CSGALNACT2: variants seen among roughly 807,000 people sequenced by gnomAD.
CSGALNACT2 encodes beta 4 GalNAcT-2.
CSGALNACT2 carries 35 observed loss-of-function variants against 55.3 expected under a neutral mutation model. The ratio of observed to expected loss-of-function variants is 0.63; its 90% CI spans 0.48 to 0.84. The LOEUF (loss-of-function observed/expected upper bound fraction) is 0.84. Ranked by LOEUF, CSGALNACT2 falls within the 40% of genes least tolerant of loss-of-function variation. The probability of loss-of-function intolerance (pLI) is 0.00; values close to 1 mark genes in which losing one functional copy is unlikely to be tolerated. For missense variants in CSGALNACT2, 544 were observed against 657.5 expected, an observed-to-expected ratio of 0.83 and a Z score of 1.89; for synonymous variants, 196 against 224.9, an observed-to-expected ratio of 0.87 and a Z score of 1.15.
At chr10:43,148,046 A>G (rs1838799486) in intron 1 of CSGALNACT2, among the ~76,000 whole-genome samples, 1 of 151,960 alleles carries the variant, frequency 6.6e-6, no homozygotes, top group Admixed American at 6.6e-5. Flanking sequence ...CAGATATTTG[A>G]CCCATTTTGA....
chr10:43,181,382 A>T (rs1438396250), intron 7 of CSGALNACT2, among the ~76,000 whole-genome samples: 4 of 152,110 alleles, frequency 2.6e-5, no homozygotes, highest in African/African-American at 9.7e-5. Context: ...TCAGCTTTTG[A>T]CTTGTTAGGA....
At chr10:43,165,794 A>G (rs1839252960) in intron 5 of CSGALNACT2, among the ~76,000 whole-genome samples, 1 of 152,196 alleles carries the variant, frequency 6.6e-6, no homozygotes, top group Non-Finnish European at 1.5e-5. Context: ...GTTCGATACC[A>G]GCCTGGCCAA....
chr10:43,154,927 A>G lies in CSGALNACT2; in HGVS notation c.-223A>G, dbSNP rs1838959975. 4 of 517,276 alleles carry G rather than the reference A, an allele frequency of 7.7e-6. No homozygotes were observed. Among genetic ancestry groups the G allele is most frequent in the African/African-American group, 3.8e-5 (2 of 52,320 alleles). The allele number at this position is 517,276 out of a possible 1,614,324, so 32.0% of individuals were successfully genotyped here. On this transcript the variant is annotated 5_prime_UTR_variant, in exon 2 of 8. It adds an upstream start codon to the 5' untranslated region. Coordinates refer to ENST00000374466, the MANE Select transcript of CSGALNACT2 (RefSeq NM_018590.5). ...TCACTACCAATATAATGGATTTTAT[A>G]TATCAGATTGCTTTATTCTGGATAT...
chr10:43,165,984 A>G (rs939686863), intron 5 of CSGALNACT2, among the ~76,000 whole-genome samples: 6 of 152,252 alleles, frequency 3.9e-5, no homozygotes, highest in African/African-American at 1.4e-4. Context: ...AATAAAAATA[A>G]AAATGTTTTA....
At position 43,155,128 on chromosome 10, in the gene CSGALNACT2, A is replaced by T; in HGVS notation, c.-22A>T. 1 of 1,571,244 alleles carries T rather than the reference A, an allele frequency of 6.4e-7. No homozygotes were observed. The highest frequency in any genetic ancestry group is 8.7e-7 in the Non-Finnish European group (1 of 1,151,468). ...GAACACACAAAGAGCTTATTTTGTT[A>T]GGCAAATACACATTAATAAGAATGC... On this transcript the variant is annotated 5_prime_UTR_variant, in exon 2 of 8. Transcript: ENST00000374466.
Position 43,184,706 on chromosome 10 carries a change from CAA to C in CSGALNACT2, c.*1166_*1167del, listed in dbSNP as rs996104908. 4.2e-4 allele frequency: 64 copies of C among 152,216 alleles called. No homozygotes were observed. The highest frequency in any genetic ancestry group is 3.4e-3 in the Middle Eastern group (1 of 294). The allele number at this position is 152,216 out of a possible 1,614,324, so 9.4% of individuals were successfully genotyped here. On this transcript the variant is annotated 3_prime_UTR_variant, in exon 8 of 8. Transcript: ENST00000374466. ...TTAATTGAGGTATAAATTAATGAGA[CAA>C]AGTGAAAAAGAAATTATATTCAGAT...
chr10:43,175,042 C>T (rs956872098), intron 6 of CSGALNACT2, among the ~76,000 whole-genome samples: 2 of 152,192 alleles, frequency 1.3e-5, no homozygotes, highest in Non-Finnish European at 2.9e-5. Context: ...GCTGGTTTCT[C>T]GCATGGTAGA....
intron 7 of CSGALNACT2, 67 bp from the exon 8 acceptor site, chr10:43,183,183 T>A: frequency 8.1e-7 from 1 of 1,238,252 alleles, no homozygotes; most frequent in Non-Finnish European, 1.2e-6. Context: ...ATTTAAAATT[T>A]TATATATATC....
intron 1 of CSGALNACT2, among the ~76,000 whole-genome samples, chr10:43,147,439 G>T (rs1838782338): frequency 6.6e-6 from 1 of 152,154 alleles, no homozygotes; most frequent in South Asian, 2.1e-4. Context: ...TCCATCACTT[G>T]TCTTCTCATT....
chr10:43,176,161 A>G lies in CSGALNACT2; in HGVS notation c.1336+129A>G, dbSNP rs555463146. 1.1e-4 allele frequency: 64 copies of G among 605,862 alleles called. No homozygotes were observed. The South Asian group carries it at 1.7e-3, about 16-fold the overall frequency. 37.5% of individuals were successfully genotyped at this position (605,862 alleles called of 1,614,324 possible). On this transcript the variant is annotated intron_variant, in intron 7 of 7. Coordinates refer to ENST00000374466, the MANE Select transcript of CSGALNACT2 (RefSeq NM_018590.5). Reference sequence around the variant, plus strand: ...TGTCTAAGGTTAGCTAAAAAGAGAAACTGGATATACAAAAGGCAAAATAAG... The same window carrying G: ...TGTCTAAGGTTAGCTAAAAAGAGAAGCTGGATATACAAAAGGCAAAATAAG...
At chr10:43,182,940 G>A (rs1839618409) in intron 7 of CSGALNACT2, among the ~76,000 whole-genome samples, 1 of 151,754 alleles carries the variant, frequency 6.6e-6, no homozygotes, top group South Asian at 2.1e-4. Context: ...TAGGTGACTT[G>A]TATTTTCTTC....
chr10:43,158,327 G>A (rs1416200496), intron 2 of CSGALNACT2, among the ~76,000 whole-genome samples: 3 of 152,072 alleles, frequency 2.0e-5, no homozygotes, highest in Admixed American at 6.6e-5. Context: ...GAAGGCACTC[G>A]ATTTCTTTTA....
chr10:43,183,216 G>A (rs543644306), intron 7 of CSGALNACT2, 34 bp from the exon 8 acceptor site: 1 of 1,506,516 alleles, frequency 6.6e-7, no homozygotes, highest in Non-Finnish European at 9.2e-7. Flanking sequence ...CTAATAATAG[G>A]CAGTTATTTA....
chr10:43,179,465 G>A (rs186868222), intron 7 of CSGALNACT2, among the ~76,000 whole-genome samples: 210 of 150,658 alleles, frequency 1.4e-3, no homozygotes, highest in African/African-American at 4.7e-3. Context: ...CTCCTTCCCC[G>A]ACCTTTTGGC....
At chr10:43,171,790 T>G (rs923226433) in intron 6 of CSGALNACT2, among the ~76,000 whole-genome samples, 1 of 152,242 alleles carries the variant, frequency 6.6e-6, no homozygotes. Flanking sequence ...CCTTTGCAAG[T>G]TGCTTAACTT....
intron 1 of CSGALNACT2, among the ~76,000 whole-genome samples, chr10:43,151,844 T>C (rs1838882084): frequency 2.0e-5 from 3 of 152,230 alleles, no homozygotes; most frequent in Admixed American, 6.5e-5. Flanking sequence ...TGGGGATCAC[T>C]GTCCTTTGTT....
intron 6 of CSGALNACT2, among the ~76,000 whole-genome samples, chr10:43,171,819 T>A (rs775919612): frequency 6.6e-6 from 1 of 152,206 alleles, no homozygotes; most frequent in Non-Finnish European, 1.5e-5. Flanking sequence ...TTCAGTCTCC[T>A]CACTTAAAAG....
At chr10:43,166,338 T>C (rs1839263533) in intron 5 of CSGALNACT2, among the ~76,000 whole-genome samples, 1 of 152,224 alleles carries the variant, frequency 6.6e-6, no homozygotes, top group East Asian at 1.9e-4. Flanking sequence ...TGACAATCAC[T>C]GAACACTTCA....
intron 6 of CSGALNACT2, among the ~76,000 whole-genome samples, chr10:43,172,981 A>G (rs948676839): frequency 6.6e-6 from 1 of 152,208 alleles, no homozygotes; most frequent in Admixed American, 6.5e-5. Context: ...TGAGGGGCAC[A>G]TAGCTGGGCC....
Sources: gnomAD v4.1 joint callset for allele counts (sites outside exome capture counted in the v4.1 genomes callset) on GRCh38, gnomAD v4.1.1 for gene constraint, MANE v1.5 for transcripts, NCBI Gene and HGNC (gene_info 2026-07-23, HGNC 2026-07-21) for gene names.